Variants in TTC39B observed in about 807,000 individuals in gnomAD.
TTC39B encodes the protein tetratricopeptide repeat domain 39B.
TTC39B carries 92 observed loss-of-function variants against 96.6 expected under a neutral mutation model. That is an observed-to-expected ratio of 0.95 (90% confidence interval 0.80 to 1.13). The LOEUF (loss-of-function observed/expected upper bound fraction) is 1.13. TTC39B is among the 50% of genes most tolerant of loss of function. TTC39B has a pLI of 0.00. For synonymous variants in TTC39B, 367 were observed against 299.4 expected (o/e 1.23, Z -2.33); for missense variants, 955 against 809.3 (o/e 1.18, Z -2.18).
chr9:15,185,445 G>A, intron 15 of TTC39B, 39 bp from the exon 16 acceptor site: 2 of 1,609,746 alleles, frequency 1.2e-6, no homozygotes, highest in African/African-American at 1.3e-5. Context: ...GAAAGGTCAT[G>A]GCAACACATA....
At chr9:15,192,737 C>A (rs550770048) in intron 8 of TTC39B, 42 bp from the exon 9 acceptor site, 1 of 1,339,260 alleles carries the variant, frequency 7.5e-7, no homozygotes. Context: ...TTGACCATGA[C>A]TCTGAAAATA....
At chr9:15,276,356 C>T (rs891682635) in intron 1 of TTC39B, among the ~76,000 whole-genome samples, 1 of 152,158 alleles carries the variant, frequency 6.6e-6, no homozygotes, top group African/African-American at 2.4e-5. Context: ...TTCCCCCTTC[C>T]ACTCTGGAGT....
At chr9:15,216,848 A>C (rs958955821) in intron 3 of TTC39B, among the ~76,000 whole-genome samples, 3 of 152,188 alleles carry the variant, frequency 2.0e-5, no homozygotes, top group African/African-American at 7.2e-5. Context: ...TCTACTGGAG[A>C]AGGGAAGACA....
At chr9:15,248,150 C>T (rs553769513) in intron 2 of TTC39B, among the ~76,000 whole-genome samples, 1 of 152,298 alleles carries the variant, frequency 6.6e-6, no homozygotes, top group Non-Finnish European at 1.5e-5. Flanking sequence ...TAGGTTGTTT[C>T]TTCTCCAGTA....
exon 20 of TTC39B, chr9:15,169,646 C>T (rs1817591691): frequency 6.6e-6 from 1 of 152,078 alleles, no homozygotes; most frequent in Non-Finnish European, 1.5e-5. Flanking sequence ...ATATCTTGAA[C>T]ATAGCAGGAA....
At position 15,189,716 on chromosome 9, in the gene TTC39B, T is replaced by C; in HGVS notation, c.1173+9A>G. 2.5e-6 allele frequency: 4 copies of C among 1,614,084 alleles called. No individual in the cohort carries two copies. Among genetic ancestry groups the C allele is most frequent in the Non-Finnish European group, 3.4e-6 (4 of 1,179,982 alleles). On this transcript the variant is annotated intron_variant, in intron 12 of 19. Coordinates refer to ENST00000512701, the Ensembl canonical transcript of TTC39B. ...GGTTGAAACATACACTTTGAAATAC[T>C]GAGCGTACATTTGGAAACTGCTGGA... is the stretch of plus-strand genomic sequence containing the variant.
intron 19 of TTC39B, among the ~76,000 whole-genome samples, chr9:15,174,783 A>C (rs1564307505): frequency 6.6e-6 from 1 of 152,220 alleles, no homozygotes; most frequent in Non-Finnish European, 1.5e-5. Flanking sequence ...AATCTTTCAA[A>C]TAGATGCCCA....
At chr9:15,246,757 T>C (rs1257094973) in intron 2 of TTC39B, among the ~76,000 whole-genome samples, 1 of 152,238 alleles carries the variant, frequency 6.6e-6, no homozygotes, top group African/African-American at 2.4e-5. Flanking sequence ...CAACCAATAC[T>C]AACTGGCCAG....
At chr9:15,251,653 A>C (rs527387211) in intron 2 of TTC39B, among the ~76,000 whole-genome samples, 37 of 142,410 alleles carry the variant, frequency 2.6e-4, no homozygotes, top group Admixed American at 7.3e-4. Context: ...CTTCCTCTCT[A>C]TATATATACG....
intron 1 of TTC39B, among the ~76,000 whole-genome samples, chr9:15,284,596 G>C (rs144929197): frequency 8.5e-5 from 13 of 152,258 alleles, no homozygotes; most frequent in African/African-American, 2.9e-4. Flanking sequence ...ACGTAATCCT[G>C]GGAAAGGTGT....
chr9:15,298,413 A>G (rs1047960431), intron 1 of TTC39B, among the ~76,000 whole-genome samples: 1 of 152,220 alleles, frequency 6.6e-6, no homozygotes, highest in African/African-American at 2.4e-5. Flanking sequence ...TATAAAGAAA[A>G]AGAGGTTTAA....
At chr9:15,267,342 T>C (rs1823172734) in intron 2 of TTC39B, among the ~76,000 whole-genome samples, 1 of 152,242 alleles carries the variant, frequency 6.6e-6, no homozygotes, top group African/African-American at 2.4e-5. Flanking sequence ...ACAATAAACA[T>C]ATTCATCCCT....
At chr9:15,215,574 T>C (rs1008215714) in intron 3 of TTC39B, among the ~76,000 whole-genome samples, 1 of 143,158 alleles carries the variant, frequency 7.0e-6, no homozygotes, top group African/African-American at 2.6e-5. Flanking sequence ...AATAAATAAA[T>C]GAGACAGGCA....
At position 15,176,046 on chromosome 9, in the gene TTC39B, G is replaced by A. The variant is rs149863245; in HGVS notation, c.1842-911C>T. Among the ~76,000 whole-genome samples the A allele has an allele frequency of 3.1e-3, 477 of 152,302 alleles. 1 individual carries two copies. The highest frequency in any genetic ancestry group is 0.011 in the African/African-American group (450 of 41,558). On this transcript the variant is annotated intron_variant, in intron 18 of 19. Transcript: ENST00000512701. ...CAATAGGCCTGCCCACATTGAATGT[G>A]CAATTCAAATTTACATTGTCTAAAT...
Position 15,243,134 on chromosome 9 carries a change from C to T in TTC39B, c.276-17122G>A, listed in dbSNP as rs1277339019. Among the ~76,000 whole-genome samples, 3 of 152,184 alleles carry T rather than the reference C, an allele frequency of 2.0e-5. No individual in the cohort carries two copies. In the East Asian group the frequency reaches 5.8e-4, roughly 29 times the overall value. ...AGGGGCCATCTGTACACCACCTCTT[C>T]CTGCACCCAACGCCATGTCAGAAGG... On this transcript the variant is annotated intron_variant, in intron 2 of 19. Transcript: ENST00000512701.
intron 7 of TTC39B, among the ~76,000 whole-genome samples, chr9:15,201,677 A>T (rs1009306895): frequency 6.6e-6 from 1 of 152,224 alleles, no homozygotes; most frequent in South Asian, 2.1e-4. Context: ...AGAATGACCA[A>T]GGAGTTAAGA....
intron 1 of TTC39B, 100 bp from the exon 2 acceptor site, chr9:15,268,048 T>A (rs1274679642): frequency 1.9e-5 from 20 of 1,055,932 alleles, no homozygotes; most frequent in Middle Eastern, 2.0e-4. Flanking sequence ...GGGAGAGTGG[T>A]CCTGGCAGGA....
intron 1 of TTC39B, among the ~76,000 whole-genome samples, chr9:15,281,623 AGC>A: frequency 7.8e-6 from 1 of 128,912 alleles, no homozygotes; most frequent in African/African-American, 3.4e-5. Flanking sequence ...CCCCTGCAAC[AGC>A]AAAAAAAAAA....
At chr9:15,231,333 C>T (rs974466070) in intron 2 of TTC39B, among the ~76,000 whole-genome samples, 4 of 152,056 alleles carry the variant, frequency 2.6e-5, no homozygotes, top group African/African-American at 9.7e-5. Flanking sequence ...TTTTATATTC[C>T]CACCAATAAT....
Sources: gnomAD v4.1 joint callset for allele counts (sites outside exome capture counted in the v4.1 genomes callset) on GRCh38, gnomAD v4.1.1 for gene constraint, MANE v1.5 for transcripts, NCBI Gene and HGNC (gene_info 2026-07-23, HGNC 2026-07-21) for gene names.